PLCE1: variants seen among roughly 807,000 people sequenced by gnomAD.
PLCE1 encodes the protein 1-phosphatidylinositol 4,5-bisphosphate phosphodiesterase epsilon-1.
PLCE1 carries 119 observed loss-of-function variants against 242.8 expected under a neutral mutation model. The ratio of observed to expected loss-of-function variants is 0.49; its 90% confidence interval spans 0.42 to 0.57. PLCE1 has a LOEUF of 0.57. Among genes scored for constraint, PLCE1 ranks in the 20% least tolerant of loss-of-function variants. PLCE1 has a pLI of 0.00. For missense variants in PLCE1, 2,441 were observed against 2,788.8 expected (o/e 0.88, Z 2.81); for synonymous variants, 945 against 1,017.4 (o/e 0.93, Z 1.35).
intron 3 of PLCE1, among the ~76,000 whole-genome samples, chr10:94,135,803 G>C (rs2046751992): frequency 6.6e-6 from 1 of 152,206 alleles, no homozygotes; most frequent in South Asian, 2.1e-4. Flanking sequence ...TGAGTAAAGA[G>C]TTAAACTTTT....
chr10:94,317,717 C>T (rs2053625169), intron 29 of PLCE1, among the ~76,000 whole-genome samples: 1 of 152,102 alleles, frequency 6.6e-6, no homozygotes, highest in Admixed American at 6.6e-5. Context: ...TCCTGTTTGA[C>T]TTAATTGATG....
chr10:94,102,658 G>A (rs1393988216), intron 2 of PLCE1, among the ~76,000 whole-genome samples: 1 of 152,186 alleles, frequency 6.6e-6, no homozygotes, highest in Non-Finnish European at 1.5e-5. Flanking sequence ...GAGAGGCCTA[G>A]GCCAGAACTC....
At chr10:94,157,053 G>T (rs1273122930) in intron 3 of PLCE1, among the ~76,000 whole-genome samples, 1 of 152,126 alleles carries the variant, frequency 6.6e-6, no homozygotes, top group African/African-American at 2.4e-5. Context: ...CATTAGTACA[G>T]TGTGTGGCAG....
chr10:94,278,249 C>G (rs2052037221), intron 19 of PLCE1, among the ~76,000 whole-genome samples: 1 of 152,052 alleles, frequency 6.6e-6, no homozygotes, highest in Non-Finnish European at 1.5e-5. Context: ...TTGGTAATAT[C>G]CACAAATAGA....
At chr10:94,178,140 C>A (rs755287069) in intron 4 of PLCE1, among the ~76,000 whole-genome samples, 2 of 152,190 alleles carry the variant, frequency 1.3e-5, no homozygotes, top group Non-Finnish European at 2.9e-5. Flanking sequence ...CCACCCACAC[C>A]ACTTCCAGGC....
chr10:94,146,655 C>G lies in PLCE1; in HGVS notation c.1492+14196C>G, dbSNP rs538044852. On this transcript the variant is annotated intron_variant, in intron 3 of 32. Coordinates refer to ENST00000371380, the MANE Select transcript of PLCE1 (RefSeq NM_016341.4). ...CCTGCCCAAATTGGAACTCACTGGA[C>G]GCCTTTCAGAGTTATCCAAGGGGAA... Among the ~76,000 whole-genome samples the G allele has an allele frequency of 3.3e-5, 5 of 152,178 alleles. No homozygotes were observed. The East Asian group carries it at 7.7e-4, about 24-fold the overall frequency.
chr10:94,044,463 AAGG>A (rs2061838806), intron 2 of PLCE1, among the ~76,000 whole-genome samples: 1 of 152,224 alleles, frequency 6.6e-6, no homozygotes, highest in African/African-American at 2.4e-5. Flanking sequence ...ATGGAGGTGA[AAGG>A]AGATGTCTGG....
chr10:94,166,219 A>G (rs934777661), intron 3 of PLCE1, among the ~76,000 whole-genome samples: 12 of 152,186 alleles, frequency 7.9e-5, no homozygotes, highest in Non-Finnish European at 1.8e-4. Context: ...TGTGAAATAA[A>G]TTCAGTTTCA....
chr10:94,247,747 T>C (rs569476527), intron 8 of PLCE1, among the ~76,000 whole-genome samples: 8 of 152,340 alleles, frequency 5.3e-5, no homozygotes, highest in Non-Finnish European at 7.3e-5. Flanking sequence ...AGTGAATTAG[T>C]CTTTCATTAA....
intron 22 of PLCE1, among the ~76,000 whole-genome samples, chr10:94,291,722 G>A (rs926460848): frequency 6.6e-5 from 10 of 152,136 alleles, no homozygotes; most frequent in Admixed American, 6.5e-4. Flanking sequence ...GGACAACATG[G>A]TGAAATGCCG....
In PLCE1 at chr10:94,306,135, C is replaced by A. The variant is rs1029495406; in HGVS notation, c.5623-292C>A. ...TACAGGCGCACACCACCATGCCCAG[C>A]TAATTTTTTGTATTTTAGTAGAGAC... On this transcript the variant is annotated intron_variant, in intron 25 of 32. Coordinates refer to ENST00000371380, the MANE Select transcript of PLCE1 (RefSeq NM_016341.4). The surrounding 1 kb of genome is among the most constrained non-coding windows in gnomAD (Gnocchi z 5.7). Among the ~76,000 whole-genome samples the A allele has an allele frequency of 3.9e-5, 6 of 152,066 alleles. No homozygotes were observed. Among genetic ancestry groups the A allele is most frequent in the Non-Finnish European group, 1.5e-5 (1 of 68,010 alleles).
chr10:94,205,504 A>ATTG (rs1315019708), intron 4 of PLCE1, among the ~76,000 whole-genome samples: 22 of 152,268 alleles, frequency 1.4e-4, no homozygotes, highest in Non-Finnish European at 1.5e-5. Flanking sequence ...TCACTTAGAC[A>ATTG]TTGCTCTACA....
intron 3 of PLCE1, among the ~76,000 whole-genome samples, chr10:94,170,103 C>G (rs1333413189): frequency 6.6e-6 from 1 of 152,092 alleles, no homozygotes; most frequent in Non-Finnish European, 1.5e-5. Context: ...AGAAAAGAGT[C>G]AGAGAATACT....
At chr10:94,070,567 C>T (rs2044322109) in intron 2 of PLCE1, among the ~76,000 whole-genome samples, 1 of 152,204 alleles carries the variant, frequency 6.6e-6, no homozygotes, top group African/African-American at 2.4e-5. Flanking sequence ...ATTACTTTCT[C>T]AGTCTAGACT....
chr10:94,254,103 A>G (rs2050978279), intron 9 of PLCE1, 87 bp from the exon 10 acceptor site: 1 of 917,718 alleles, frequency 1.1e-6, no homozygotes, highest in Non-Finnish European at 1.8e-6. Context: ...GAAGGTGGGT[A>G]GGTCAGAAAA....
chr10:94,171,807 C>T lies in PLCE1; in HGVS notation c.1809+311C>T, dbSNP rs78023415. 2.0e-3 allele frequency among the ~76,000 whole-genome samples: 311 copies of T among 152,240 alleles called. 3 individuals carry two copies. Among genetic ancestry groups the T allele is most frequent in the African/African-American group, 6.5e-3 (268 of 41,532 alleles). ...CCAACCCCTTCCTCTCCCCTACCAA[C>T]CCCTCATTCCCAAAGGTGCTTTTAA... On this transcript the variant is annotated intron_variant, in intron 4 of 32. Transcript: ENST00000371380.
At position 94,001,177 on chromosome 10, in the gene PLCE1, G is replaced by A. The variant is rs967191023; in HGVS notation, c.-365+6919G>A. ...TCTGGGGAAAATAAAACAAAACATAGATAGGGTGCCTAATCTTGACAGGGC... is the reference window on the plus strand; with the variant it reads ...TCTGGGGAAAATAAAACAAAACATAAATAGGGTGCCTAATCTTGACAGGGC... On this transcript the variant is annotated intron_variant, in intron 1 of 32. Transcript: ENST00000371380. 4.3e-4 allele frequency among the ~76,000 whole-genome samples: 65 copies of A among 152,174 alleles called. 1 individual carries two copies. The highest frequency in any genetic ancestry group is 6.5e-4 in the Admixed American group (10 of 15,270).
chr10:94,205,447 A>C (rs2049127111), intron 4 of PLCE1, among the ~76,000 whole-genome samples: 1 of 152,268 alleles, frequency 6.6e-6, no homozygotes, highest in African/African-American at 2.4e-5. Context: ...GTACAGTTGC[A>C]TGTGAATAAA....
intron 2 of PLCE1, among the ~76,000 whole-genome samples, chr10:94,083,856 C>T (rs1443457461): frequency 3.3e-5 from 5 of 152,242 alleles, no homozygotes; most frequent in South Asian, 2.1e-4. Flanking sequence ...AATGATTGGC[C>T]GACTTTTTTC....
Sources: allele counts gnomAD v4.1 joint callset (sites outside exome capture counted in the v4.1 genomes callset), GRCh38; gene constraint gnomAD v4.1.1; non-coding constraint Gnocchi (gnomAD v3.1); transcripts MANE v1.5; gene names NCBI Gene and HGNC (gene_info 2026-07-23, HGNC 2026-07-21).